OR7A10: variants seen among roughly 807,000 people sequenced by gnomAD.
OR7A10 encodes olfactory receptor 7A10.
For synonymous variants in OR7A10, 144 were observed against 144.5 expected (o/e 1.00, Z 0.02); for missense variants, 358 against 370.1 (o/e 0.97, Z 0.27).
intron 1 of OR7A10, among the ~76,000 whole-genome samples, chr19:14,843,639 C>T (rs1230068647): frequency 1.3e-5 from 2 of 152,314 alleles, no homozygotes; most frequent in East Asian, 1.9e-4. Flanking sequence ...CTCTGAATTC[C>T]TTCCCACTCT....
chr19:14,842,683 G>A (rs889222396), intron 1 of OR7A10, among the ~76,000 whole-genome samples: 11 of 152,144 alleles, frequency 7.2e-5, no homozygotes, highest in African/African-American at 2.4e-4. Flanking sequence ...ATGTTGCTGC[G>A]AAGGACATTA....
In OR7A10 at chr19:14,841,205, T is replaced by A. The variant is rs11880955; in HGVS notation, c.673A>T (p.Ile225Leu). The A allele has an allele frequency of 0.16, 264,425 of 1,613,878 alleles. 22,585 individuals carry two copies. The highest frequency in any genetic ancestry group is 0.23 in the African/African-American group (17,398 of 74,938). ...LYSYSKIVSS[I>L]RAISSAQGKY... ...CCCTGAGCTGATGAGATTGCACGTA[T>A]GGAGGAAACTATCTTAGAGTAAGAG... Residue 225 changes from isoleucine to leucine, a missense_variant, in exon 2 of 2, where the codon ATA becomes TTA. By Grantham distance (5) the Ile-to-Leu change is conservative (BLOSUM62 2). Coordinates refer to ENST00000641129, the MANE Select transcript of OR7A10 (RefSeq NM_001005190.2).
rs146932705 is a variant in OR7A10, at chr19:14,841,107, C to A, written c.771G>T (p.Gly257=). Residue 257 remains glycine, a synonymous_variant, in exon 2 of 2, where the codon GGG becomes GGT. Coordinates refer to ENST00000641129, the MANE Select transcript of OR7A10 (RefSeq NM_001005190.2). ...VVSLFYGTCL[G]VYLSSAATHN... ...GGGTGGCAGCAGAACTAAGGTACAC[C>A]CCTAAGCATGTACCATAAAATAAGG... The A allele has an allele frequency of 2.3e-3, 3,652 of 1,613,896 alleles. 116 individuals are homozygous for A. The South Asian group carries it at 0.037, about 16-fold the overall frequency.
At chr19:14,843,912 G>T (rs774612266) in intron 1 of OR7A10, among the ~76,000 whole-genome samples, 1 of 152,062 alleles carries the variant, frequency 6.6e-6, no homozygotes, top group East Asian at 1.9e-4. Context: ...GGGACTGTCG[G>T]GGGTACGGGA....
chr19:14,846,153 T>A (rs1423174527), intron 1 of OR7A10, among the ~76,000 whole-genome samples: 4 of 151,906 alleles, frequency 2.6e-5, no homozygotes, highest in Non-Finnish European at 2.9e-5. Context: ...AGACTCCGTC[T>A]TAAAGAAAAA....
chr19:14,844,785 C>G lies in OR7A10; in HGVS notation c.-12-2896G>C, dbSNP rs537810805. Among the ~76,000 whole-genome samples the G allele has an allele frequency of 1.8e-4, 27 of 151,092 alleles. No individual in the cohort carries two copies. The South Asian group carries it at 5.7e-3, about 32-fold the overall frequency. On this transcript the variant is annotated intron_variant, in intron 1 of 1. Coordinates refer to ENST00000641129, the MANE Select transcript of OR7A10 (RefSeq NM_001005190.2). ...TCAAGTGATTCTCCTGCCTCAGCCCCCTGAGTAGCTGGGATTATAGGCGCC... is the reference window on the plus strand; with the variant it reads ...TCAAGTGATTCTCCTGCCTCAGCCCGCTGAGTAGCTGGGATTATAGGCGCC...
chr19:14,841,894 CAGAGAGAGAGAGAG>C lies in OR7A10; in HGVS notation c.-12-19_-12-6del, dbSNP rs141373725. On this transcript the variant is annotated splice_polypyrimidine_tract_variant and splice_region_variant and intron_variant, in intron 1 of 1. Transcript: ENST00000641129. ...TGATTTCATCTTGTGATGTGACTAC[CAGAGAGAGAGAGAG>C]AGAGAGAGAGAGAGTGAAAGAACAT... The C allele has an allele frequency of 2.3e-6, 3 of 1,294,362 alleles. No individual in the cohort carries two copies. Among genetic ancestry groups the C allele is most frequent in the South Asian group, 2.8e-5 (2 of 72,542 alleles). The allele number at this position is 1,294,362 out of a possible 1,614,324, so 80.2% of individuals were successfully genotyped here. A position where few individuals can be genotyped will look rare whatever the true frequency, so the allele number is the denominator to read the frequency against.
In OR7A10 at chr19:14,841,072, T is replaced by G. The variant is rs112672877; in HGVS notation, c.806A>C (p.His269Pro). ...CATCACTGAGGCTGCAGCACCTGTG[T>G]GTGAATTGTGGGTGGCAGCAGAACT... ...YLSSAATHNS[H>P]TGAAASVMYT... Residue 269 changes from histidine to proline, a missense_variant, in exon 2 of 2, where the codon CAC becomes CCC. By Grantham distance (77) the His-to-Pro change is moderately conservative. Coordinates refer to ENST00000641129, the MANE Select transcript of OR7A10 (RefSeq NM_001005190.2). 14,517 of 1,613,656 alleles carry G rather than the reference T, an allele frequency of 9.0e-3. 488 individuals are homozygous for G. Among genetic ancestry groups the G allele is most frequent in the African/African-American group, 0.09 (6,726 of 74,898 alleles).
At chr19:14,845,299 A>T (rs571540225) in intron 1 of OR7A10, among the ~76,000 whole-genome samples, 1 of 151,360 alleles carries the variant, frequency 6.6e-6, no homozygotes, top group South Asian at 2.1e-4. Context: ...ACATGGTGAC[A>T]CCCTGTCTCT....
chr19:14,846,562 T>C (rs2044943483), intron 1 of OR7A10, among the ~76,000 whole-genome samples: 1 of 151,728 alleles, frequency 6.6e-6, no homozygotes, highest in Non-Finnish European at 1.5e-5. Context: ...CTTTTAAAAT[T>C]ATCTGCGTGT....
Position 14,841,024 on chromosome 19 carries a change from A to G in OR7A10, c.854T>C (p.Leu285Pro), listed in dbSNP as rs1337652382. The part of the protein sequence containing the change: ...SVMYTVVTPM[L>P]NPFIYSLRNK... ...CCTCAGACTGTAGATGAAGGGGTTC[A>G]GCATGGGGGTGACCACAGTGTACAT... The change falls in exon 2 of 2, where the codon CTG (leucine) becomes CCG (proline). Residue 285 changes from leucine (L) to proline (P), a missense_variant. Leu to Pro is a moderately conservative substitution (Grantham distance 98, BLOSUM62 -3). Coordinates refer to ENST00000641129, the MANE Select transcript of OR7A10 (RefSeq NM_001005190.2). 2.5e-6 allele frequency: 4 copies of G among 1,614,100 alleles called. No homozygotes were observed. The highest frequency in any genetic ancestry group is 3.4e-6 in the Non-Finnish European group (4 of 1,179,996).
chr19:14,842,221 C>T (rs937321537), intron 1 of OR7A10, among the ~76,000 whole-genome samples: 7 of 152,200 alleles, frequency 4.6e-5, no homozygotes, highest in Admixed American at 1.3e-4. Flanking sequence ...CTCCTCCCAC[C>T]TTCCACCCTC....
Position 14,841,120 on chromosome 19 carries a change from C to T in OR7A10, c.758G>A (p.Gly253Asp). Residue 253 changes from glycine (G) to aspartate (D), a missense_variant, in exon 2 of 2, where the codon GGT becomes GAT. Gly to Asp is a moderately conservative substitution (Grantham distance 94). Coordinates refer to ENST00000641129, the MANE Select transcript of OR7A10 (RefSeq NM_001005190.2). Reference protein sequence around the residue: ...SHLSVVSLFYGTCLGVYLSSA... With the variant: ...SHLSVVSLFYDTCLGVYLSSA... ...ACTAAGGTACACCCCTAAGCATGTACCATAAAATAAGGAGACAACTGAGAG... is the reference window on the plus strand; with the variant it reads ...ACTAAGGTACACCCCTAAGCATGTATCATAAAATAAGGAGACAACTGAGAG... 1 of 1,613,864 alleles carries T rather than the reference C, an allele frequency of 6.2e-7. No homozygotes were observed. Among genetic ancestry groups the T allele is most frequent in the Non-Finnish European group, 8.5e-7 (1 of 1,179,940 alleles).
intron 1 of OR7A10, among the ~76,000 whole-genome samples, chr19:14,848,146 C>T (rs2044952251): frequency 6.6e-6 from 1 of 151,670 alleles, no homozygotes; most frequent in South Asian, 2.1e-4. Context: ...GCCCTCACTT[C>T]CTTTCGTATC....
chr19:14,844,498 G>A (rs2044930620), intron 1 of OR7A10, among the ~76,000 whole-genome samples: 1 of 152,090 alleles, frequency 6.6e-6, no homozygotes, highest in Admixed American at 6.6e-5. Flanking sequence ...TGGTGTCAGA[G>A]GATGATGAGG....
chr19:14,845,070 A>ACAC (rs2044935600), intron 1 of OR7A10, among the ~76,000 whole-genome samples: 20 of 141,698 alleles, frequency 1.4e-4, no homozygotes, highest in Admixed American at 9.0e-4. Flanking sequence ...CACACACACA[A>ACAC]ACACACACAC....
chr19:14,846,727 G>GAAAAAAAAAAAAAA (rs1242384296), intron 1 of OR7A10, among the ~76,000 whole-genome samples: 20 of 75,070 alleles, frequency 2.7e-4, no homozygotes, highest in Admixed American at 5.5e-4. Flanking sequence ...AAAAAAAAAG[G>GAAAAAAAAAAAAAA]AAAAGGAAGT....
rs771110371 is a variant in OR7A10, at chr19:14,840,966, G to T, written c.912C>A (p.Phe304Leu). Reference protein sequence around the residue: ...NKHIKGAMKTFFRGKQ With the variant: ...NKHIKGAMKTLFRGKQ ...AGCCTTTCTATTGCTTTCCTCTGAA[G>T]AATGTTTTCATAGCACCCTTTATGT... Residue 304 changes from phenylalanine (F) to leucine (L), a missense_variant, in exon 2 of 2, where the codon TTC becomes TTA. By Grantham distance (22) the Phe-to-Leu change is conservative. Coordinates refer to ENST00000641129, the MANE Select transcript of OR7A10 (RefSeq NM_001005190.2). 1 of 1,609,996 alleles carries T rather than the reference G, an allele frequency of 6.2e-7. No homozygotes were observed. Among genetic ancestry groups the T allele is most frequent in the Non-Finnish European group, 8.5e-7 (1 of 1,178,576 alleles).
chr19:14,841,551 T>G lies in OR7A10; in HGVS notation c.327A>C (p.Gly109=), dbSNP rs748385189. The G allele has an allele frequency of 6.2e-6, 10 of 1,614,154 alleles. No individual in the cohort carries two copies. The East Asian group carries it at 2.0e-4, about 32-fold the overall frequency. ...TCACGGTCAGAAGGAAGTTATCCAATCCTACAAAGAGTAAGAAAAAGCACA... is the reference window on the plus strand; with the variant it reads ...TCACGGTCAGAAGGAAGTTATCCAAGCCTACAAAGAGTAAGAAAAAGCACA... ...TQMCFFLLFV[G]LDNFLLTVMA... Residue 109 remains glycine, a synonymous_variant, in exon 2 of 2, where the codon GGA becomes GGC. Transcript: ENST00000641129.
Sources: gnomAD v4.1 joint callset for allele counts (sites outside exome capture counted in the v4.1 genomes callset) on GRCh38, gnomAD v4.1.1 for gene constraint, MANE v1.5 for transcripts, NCBI Gene and HGNC (gene_info 2026-07-23, HGNC 2026-07-21) for gene names.